Variants in MDGA2 observed in about 807,000 individuals in gnomAD.
MDGA2 encodes MAM domain-containing glycosylphosphatidylinositol anchor protein 2.
MDGA2 carries 40 observed loss-of-function variants against 117.8 expected under a neutral mutation model. The ratio of observed to expected loss-of-function variants is 0.34; its 90% confidence interval spans 0.26 to 0.44. MDGA2 has a LOEUF of 0.44. MDGA2 is among the 20% of genes least tolerant of loss of function. The probability of loss-of-function intolerance (pLI) is 1.00; values close to 1 mark genes in which losing one functional copy is unlikely to be tolerated. For missense variants in MDGA2, 1,123 were observed against 1,250.6 expected, an observed-to-expected ratio of 0.90 and a Z score of 1.54; for synonymous variants, 452 against 439.0, an observed-to-expected ratio of 1.03 and a Z score of -0.37.
intron 1 of MDGA2, among the ~76,000 whole-genome samples, chr14:47,663,629 C>T (rs1216327256): frequency 6.6e-6 from 1 of 152,154 alleles, no homozygotes; most frequent in Non-Finnish European, 1.5e-5. Flanking sequence ...TCAGTTAATT[C>T]TAATTTAAAA....
intron 1 of MDGA2, among the ~76,000 whole-genome samples, chr14:47,486,140 A>G (rs1484133430): frequency 6.6e-6 from 1 of 152,160 alleles, no homozygotes; most frequent in Non-Finnish European, 1.5e-5. Flanking sequence ...GCCAGGAGGG[A>G]GGCTATACCC....
chr14:47,246,067 A>C (rs1432836406), intron 2 of MDGA2, among the ~76,000 whole-genome samples: 1 of 151,852 alleles, frequency 6.6e-6, no homozygotes, highest in Non-Finnish European at 1.5e-5. Flanking sequence ...GTTTTCTCCA[A>C]GCTCACTTCC....
At chr14:47,545,087 A>G (rs1165942334) in intron 1 of MDGA2, among the ~76,000 whole-genome samples, 2 of 152,338 alleles carry the variant, frequency 1.3e-5, no homozygotes, top group South Asian at 4.1e-4. Context: ...ATTTAAATGA[A>G]AAATGCTGGC....
At chr14:47,067,039 C>T (rs916216127) in intron 6 of MDGA2, among the ~76,000 whole-genome samples, 44 of 152,248 alleles carry the variant, frequency 2.9e-4, no homozygotes, top group African/African-American at 9.1e-4. Context: ...CTCTTGAACC[C>T]GGGAACCGGA....
intron 10 of MDGA2, among the ~76,000 whole-genome samples, chr14:46,906,931 G>T (rs1276479919): frequency 6.7e-6 from 1 of 149,848 alleles, no homozygotes; most frequent in African/African-American, 2.5e-5. Context: ...CTGCCATTAA[G>T]CAATCTCAAT....
intron 8 of MDGA2, among the ~76,000 whole-genome samples, chr14:47,000,695 T>G (rs1258687585): frequency 1.3e-5 from 2 of 151,424 alleles, no homozygotes; most frequent in African/African-American, 4.8e-5. Context: ...TTAAGTAAAT[T>G]GCCTAAGGTT....
At chr14:47,323,053 G>C (rs1890027084) in intron 1 of MDGA2, among the ~76,000 whole-genome samples, 1 of 150,874 alleles carries the variant, frequency 6.6e-6, no homozygotes, top group Non-Finnish European at 1.5e-5. Context: ...AAATTCCAAA[G>C]TGGAACTCTT....
chr14:47,640,378 T>C (rs755353987), intron 1 of MDGA2, among the ~76,000 whole-genome samples: 1 of 152,146 alleles, frequency 6.6e-6, no homozygotes, highest in African/African-American at 2.4e-5. Context: ...TCTTACCCGA[T>C]GTACTGCAAT....
chr14:47,227,276 CT>C (rs1206263582), intron 2 of MDGA2, among the ~76,000 whole-genome samples: 3 of 152,132 alleles, frequency 2.0e-5, no homozygotes, highest in Non-Finnish European at 4.4e-5. Flanking sequence ...TTCCCTACCC[CT>C]GTGACTCTTA....
chr14:46,932,060 T>G (rs976431314), intron 9 of MDGA2, among the ~76,000 whole-genome samples: 1 of 152,134 alleles, frequency 6.6e-6, no homozygotes, highest in African/African-American at 2.4e-5. Context: ...TTTTTTACAG[T>G]ACTCAATCTT....
At chr14:47,000,377 T>TTTTTA (rs1555342218) in intron 8 of MDGA2, among the ~76,000 whole-genome samples, 1 of 100,026 alleles carries the variant, frequency 1.0e-5, no homozygotes, top group Admixed American at 1.3e-4. Context: ...ATATATATAT[T>TTTTTA]TATATATATA....
intron 3 of MDGA2, among the ~76,000 whole-genome samples, chr14:47,190,066 G>A (rs1885053820): frequency 6.6e-6 from 1 of 152,094 alleles, no homozygotes; most frequent in African/African-American, 2.4e-5. Flanking sequence ...CAGGTTCCTG[G>A]CTATTTACTA....
chr14:47,009,771 C>A (rs1244508186), intron 8 of MDGA2, among the ~76,000 whole-genome samples: 1 of 151,814 alleles, frequency 6.6e-6, no homozygotes, highest in Non-Finnish European at 1.5e-5. Context: ...GGAAAGAGGG[C>A]AGCAGCAGGA....
At chr14:47,410,923 C>T (rs1183096657) in intron 1 of MDGA2, among the ~76,000 whole-genome samples, 1 of 152,154 alleles carries the variant, frequency 6.6e-6, no homozygotes, top group Non-Finnish European at 1.5e-5. Context: ...ACATTTGAGA[C>T]TCTCAAATAC....
At chr14:47,039,372 A>C (rs1888979536) in intron 7 of MDGA2, among the ~76,000 whole-genome samples, 1 of 152,174 alleles carries the variant, frequency 6.6e-6, no homozygotes, top group Admixed American at 6.5e-5. Context: ...ACCACTTCAA[A>C]ACAGCCATCA....
At chr14:47,123,190 A>G (rs963467237) in intron 5 of MDGA2, among the ~76,000 whole-genome samples, 1 of 152,034 alleles carries the variant, frequency 6.6e-6, no homozygotes, top group African/African-American at 2.4e-5. Flanking sequence ...TTTATGGGGT[A>G]TATTTATGTT....
chr14:47,403,750 C>G (rs1042290741), intron 1 of MDGA2, among the ~76,000 whole-genome samples: 1 of 152,080 alleles, frequency 6.6e-6, no homozygotes. Flanking sequence ...AATACAGCAC[C>G]TTGGCATTTG....
intron 1 of MDGA2, among the ~76,000 whole-genome samples, chr14:47,612,999 G>A (rs1006197941): frequency 6.6e-6 from 1 of 151,956 alleles, no homozygotes; most frequent in South Asian, 2.1e-4. Flanking sequence ...TTCCCTTATT[G>A]CGGGTATTGA....
At chr14:47,620,478 C>G (rs900213436) in intron 1 of MDGA2, among the ~76,000 whole-genome samples, 1 of 152,188 alleles carries the variant, frequency 6.6e-6, no homozygotes, top group African/African-American at 2.4e-5. Context: ...CACGTGAATA[C>G]TTTCCATCTA....
Sources: allele counts gnomAD v4.1 joint callset (sites outside exome capture counted in the v4.1 genomes callset), GRCh38; gene constraint gnomAD v4.1.1; transcripts MANE v1.5; gene names NCBI Gene and HGNC (gene_info 2026-07-23, HGNC 2026-07-21).